OPCML: variants seen among roughly 807,000 people sequenced by gnomAD.
OPCML encodes the protein opioid binding protein/cell adhesion molecule like, also known as opioid-binding protein/cell adhesion molecule.
A neutral mutation model predicts 37.8 loss-of-function variants in OPCML; 13 were observed. The ratio of observed to expected loss-of-function variants is 0.34; its 90% CI spans 0.22 to 0.55. The LOEUF (loss-of-function observed/expected upper bound fraction) is 0.55, where lower values mean the gene tolerates loss of function less well. Ranked by LOEUF, OPCML falls within the 20% of genes least tolerant of loss-of-function variation. The probability of loss-of-function intolerance (pLI) is 0.91; values close to 1 mark genes in which losing one functional copy is unlikely to be tolerated. For synonymous variants in OPCML, 176 were observed against 168.8 expected, an observed-to-expected ratio of 1.04 and a Z score of -0.33; for missense variants, 341 against 435.6, an observed-to-expected ratio of 0.78 and a Z score of 1.93.
At chr11:132,874,750 G>A (rs1456160815) in intron 2 of OPCML, among the ~76,000 whole-genome samples, 1 of 152,122 alleles carries the variant, frequency 6.6e-6, no homozygotes, top group East Asian at 1.9e-4. Flanking sequence ...CTGCACGGAC[G>A]GTCTGTGTTT....
At chr11:133,029,676 A>C (rs1023501738) in intron 1 of OPCML, among the ~76,000 whole-genome samples, 1 of 152,156 alleles carries the variant, frequency 6.6e-6, no homozygotes, top group African/African-American at 2.4e-5. Flanking sequence ...CCTTGGGTAC[A>C]CATGGACAGA....
intron 4 of OPCML, among the ~76,000 whole-genome samples, chr11:132,507,716 A>G (rs886224952): frequency 1.1e-4 from 17 of 151,998 alleles, no homozygotes; most frequent in Admixed American, 6.5e-4. Flanking sequence ...TAAACAATTC[A>G]TAGTTCAAAT....
intron 4 of OPCML, among the ~76,000 whole-genome samples, chr11:132,440,691 C>T (rs2096029769): frequency 3.9e-5 from 6 of 152,324 alleles, no homozygotes; most frequent in Admixed American, 3.9e-4. Context: ...TCCCACATAA[C>T]ATGCATCCTC....
chr11:132,528,188 G>T (rs1228386388), intron 4 of OPCML, among the ~76,000 whole-genome samples: 1 of 149,286 alleles, frequency 6.7e-6, no homozygotes, highest in Non-Finnish European at 1.5e-5. Flanking sequence ...TCCTGGCAAA[G>T]CTTTGTCTTT....
intron 2 of OPCML, among the ~76,000 whole-genome samples, chr11:132,884,367 T>C (rs1408007412): frequency 6.6e-6 from 1 of 152,084 alleles, no homozygotes; most frequent in Non-Finnish European, 1.5e-5. Flanking sequence ...TCAGAGAAAA[T>C]GAGGCAACTG....
intron 1 of OPCML, among the ~76,000 whole-genome samples, chr11:133,382,238 G>T (rs1187267094): frequency 6.6e-6 from 1 of 152,192 alleles, no homozygotes. Context: ...CCAATTAATG[G>T]CCAGCTGTGT....
chr11:133,184,120 T>C (rs1937964201), intron 1 of OPCML, among the ~76,000 whole-genome samples: 2 of 152,116 alleles, frequency 1.3e-5, no homozygotes, highest in Admixed American at 1.3e-4. Flanking sequence ...AAAAGGCAGG[T>C]GCTTCAGGTT....
At chr11:133,149,284 G>A (rs566087973) in intron 1 of OPCML, among the ~76,000 whole-genome samples, 108 of 152,238 alleles carry the variant, frequency 7.1e-4, no homozygotes, top group Non-Finnish European at 1.2e-3. Flanking sequence ...CAGGTCCTAC[G>A]GGAGATTCAG....
At chr11:133,147,640 T>C (rs780397148) in intron 1 of OPCML, among the ~76,000 whole-genome samples, 9 of 152,114 alleles carry the variant, frequency 5.9e-5, no homozygotes, top group Non-Finnish European at 1.0e-4. Flanking sequence ...TGCCTGATAC[T>C]TCACAGGGGC....
chr11:133,216,055 G>A (rs560856), intron 1 of OPCML, among the ~76,000 whole-genome samples: 22,428 of 152,056 alleles, frequency 0.15, 2,434 homozygotes, highest in African/African-American at 0.31. Context: ...CTCAGAGGGC[G>A]CCTTCTAAAA....
At chr11:132,679,340 G>A (rs1942840298) in intron 2 of OPCML, among the ~76,000 whole-genome samples, 1 of 152,146 alleles carries the variant, frequency 6.6e-6, no homozygotes, top group Non-Finnish European at 1.5e-5. Context: ...AGGAAAAATA[G>A]CCCAAATGTT....
intron 2 of OPCML, among the ~76,000 whole-genome samples, chr11:132,775,489 T>G (rs2136134317): frequency 6.6e-6 from 1 of 152,308 alleles, no homozygotes; most frequent in South Asian, 2.1e-4. Flanking sequence ...ACCAACTCAC[T>G]GAGAGGAACA....
chr11:133,143,211 AG>A lies in OPCML; in HGVS notation c.62-200202del, dbSNP rs577753443. Among the ~76,000 whole-genome samples, 715 of 152,350 alleles carry A rather than the reference AG, an allele frequency of 4.7e-3. 4 individuals are homozygous for A. Among genetic ancestry groups the A allele is most frequent in the Non-Finnish European group, 9.0e-3 (609 of 68,032 alleles). On this transcript the variant is annotated intron_variant, in intron 1 of 7. Transcript: ENST00000524381. ...GAGCAATAGCCTACAGCGACTGAAG[AG>A]AGACTGGTTAGATCTCACTAGGTCT...
intron 7 of OPCML, among the ~76,000 whole-genome samples, chr11:132,434,633 A>G (rs2096007358): frequency 1.3e-5 from 2 of 152,176 alleles, no homozygotes; most frequent in South Asian, 2.1e-4. Context: ...CACAGCCCTG[A>G]CATGATGCCT....
At chr11:132,800,596 T>C (rs1293066121) in intron 2 of OPCML, among the ~76,000 whole-genome samples, 1 of 152,164 alleles carries the variant, frequency 6.6e-6, no homozygotes, top group African/African-American at 2.4e-5. Flanking sequence ...CTAGTCTAAT[T>C]TCTTGAGTGT....
chr11:133,244,550 G>A (rs571150139), intron 1 of OPCML, among the ~76,000 whole-genome samples: 3 of 152,144 alleles, frequency 2.0e-5, no homozygotes, highest in Non-Finnish European at 4.4e-5. Flanking sequence ...ATCTCATGTC[G>A]AATTATAATC....
At chr11:132,721,950 C>CT (rs34325848) in intron 2 of OPCML, among the ~76,000 whole-genome samples, 27,877 of 83,014 alleles carry the variant, frequency 0.34, 5,195 homozygotes, top group East Asian at 0.65. Flanking sequence ...CTTTCCTTCC[C>CT]TTTTTTTTTT....
chr11:133,516,495 C>G (rs1948275461), intron 1 of OPCML, among the ~76,000 whole-genome samples: 1 of 152,172 alleles, frequency 6.6e-6, no homozygotes, highest in African/African-American at 2.4e-5. Flanking sequence ...TAAGGAGAGG[C>G]ATCCACTCCC....
At chr11:132,599,149 T>C (rs983047234) in intron 3 of OPCML, among the ~76,000 whole-genome samples, 1 of 152,074 alleles carries the variant, frequency 6.6e-6, no homozygotes, top group Non-Finnish European at 1.5e-5. Context: ...AGTGGTGGCA[T>C]ATGCCTATAA....
Sources: gnomAD v4.1 joint callset for allele counts (sites outside exome capture counted in the v4.1 genomes callset) on GRCh38, gnomAD v4.1.1 for gene constraint, MANE v1.5 for transcripts, NCBI Gene and HGNC (gene_info 2026-07-23, HGNC 2026-07-21) for gene names.